Variants in TMPRSS15 observed in about 807,000 individuals in gnomAD.
TMPRSS15 encodes transmembrane serine protease 15, also known as enteropeptidase.
Under a neutral mutation model 125.3 loss-of-function variants are expected in TMPRSS15, and 128 were observed. The observed-to-expected ratio is 1.02, with a 90% CI of 0.89 to 1.18. The LOEUF is 1.18. Ranked by LOEUF, TMPRSS15 falls within the 50% of genes most tolerant of loss-of-function variation. The pLI is 0.00. For synonymous variants in TMPRSS15, 446 were observed against 423.2 expected, an observed-to-expected ratio of 1.05 and a Z score of -0.66; for missense variants, 1,283 against 1,212.7, an observed-to-expected ratio of 1.06 and a Z score of -0.86.
intron 1 of TMPRSS15, among the ~76,000 whole-genome samples, chr21:18,447,395 A>G (rs1318054047): frequency 1.5e-5 from 2 of 136,190 alleles, no homozygotes; most frequent in Non-Finnish European, 3.1e-5. Flanking sequence ...AGCCCAGATC[A>G]TGCCATTGCA....
chr21:18,294,323 G>T lies in TMPRSS15; in HGVS notation c.2433C>A (p.Gly811=). 1 of 1,614,216 alleles carries T rather than the reference G, an allele frequency of 6.2e-7. No homozygotes were observed. Among genetic ancestry groups the T allele is most frequent in the Non-Finnish European group, 8.5e-7 (1 of 1,180,050 alleles). The change falls in exon 21 of 25, where the codon GGC becomes GGA. Residue 811 remains glycine (G), a synonymous_variant. Coordinates refer to ENST00000284885, the MANE Select transcript of TMPRSS15 (RefSeq NM_002772.3). ...GCCAGTCACTGCTGACGAGAGATGCGCCGCAGAGCAGTCGGCCGCCATAAT... is the reference window on the plus strand; with the variant it reads ...GCCAGTCACTGCTGACGAGAGATGCTCCGCAGAGCAGTCGGCCGCCATAAT... ...GLYYGGRLLC[G]ASLVSSDWLV...
Position 18,365,225 on chromosome 21 carries a change from A to G in TMPRSS15, c.688T>C (p.Leu230=), listed in dbSNP as rs756323568. 2 of 1,614,138 alleles carry G rather than the reference A, an allele frequency of 1.2e-6. No individual in the cohort carries two copies. Among genetic ancestry groups the G allele is most frequent in the Non-Finnish European group, 1.7e-6 (2 of 1,179,990 alleles). The change falls in exon 7 of 25, where the codon TTG becomes CTG. Residue 230 remains leucine, a synonymous_variant. Coordinates refer to ENST00000284885, the MANE Select transcript of TMPRSS15 (RefSeq NM_002772.3). ...AAAGACCCAGATGATCCAGTTAACA[A>G]AAATCTTCCATCACAAACTGTGGCT... ...MCATVCDGRF[L]LTGSSGSFQA...
At chr21:18,362,573 A>T (rs984476381) in intron 7 of TMPRSS15, among the ~76,000 whole-genome samples, 6 of 152,184 alleles carry the variant, frequency 3.9e-5, no homozygotes, top group Non-Finnish European at 4.4e-5. Context: ...GATTAATTGG[A>T]GAACATAATC....
At chr21:18,286,372 C>CT (rs1311024790) in intron 21 of TMPRSS15, among the ~76,000 whole-genome samples, 1 of 152,200 alleles carries the variant, frequency 6.6e-6, no homozygotes, top group African/African-American at 2.4e-5. Flanking sequence ...TTCTTGACTT[C>CT]TTCCATACAG....
intron 1 of TMPRSS15, among the ~76,000 whole-genome samples, chr21:18,400,414 A>C (rs2076084189): frequency 6.6e-6 from 1 of 152,010 alleles, no homozygotes; most frequent in Non-Finnish European, 1.5e-5. Flanking sequence ...AACCCACAGT[A>C]AAGTAAAGCT....
At position 18,413,829 on chromosome 21, in the gene TMPRSS15, G is replaced by A. The variant is rs117137051; in HGVS notation, c.11-15500C>T. On this transcript the variant is annotated intron_variant, in intron 1 of 7. Transcript: ENST00000422787. ...TGCAGCCTCAAATTACTGGGCCCAA[G>A]CGATCCTCCCACCTCAGCCTCCTGA... is the stretch of plus-strand genomic sequence containing the variant. Among the ~76,000 whole-genome samples, 975 of 151,994 alleles carry A rather than the reference G, an allele frequency of 6.4e-3. 7 individuals are homozygous for A. Among genetic ancestry groups the A allele is most frequent in the Middle Eastern group, 0.014 (4 of 292 alleles).
At chr21:18,360,143 T>C (rs1189678517) in intron 7 of TMPRSS15, among the ~76,000 whole-genome samples, 1 of 152,106 alleles carries the variant, frequency 6.6e-6, no homozygotes, top group Non-Finnish European at 1.5e-5. Flanking sequence ...CTCCTTTCAT[T>C]TCCATGAGTT....
chr21:18,460,198 G>A (rs1978526258), intron 1 of TMPRSS15, among the ~76,000 whole-genome samples: 1 of 152,022 alleles, frequency 6.6e-6, no homozygotes, highest in African/African-American at 2.4e-5. Flanking sequence ...TATGGAAAAT[G>A]AGTTGTCAGA....
chr21:18,350,073 CT>C lies in TMPRSS15; in HGVS notation c.1171+2829del, dbSNP rs561689165. On this transcript the variant is annotated intron_variant, in intron 10 of 24. Transcript: ENST00000284885. Reference sequence around the variant, plus strand: ...TACTCTTGTCCAAGTGTGGTAGAAACTTTTTTTTAATTACAGTAAAGAGAAA... The same window carrying C: ...TACTCTTGTCCAAGTGTGGTAGAAACTTTTTTTAATTACAGTAAAGAGAAA... 3.3e-5 allele frequency among the ~76,000 whole-genome samples: 5 copies of C among 151,656 alleles called. No homozygotes were observed. In the East Asian group the frequency reaches 5.8e-4, roughly 18 times the overall value.
chr21:18,422,729 T>C (rs949860123), intron 1 of TMPRSS15, among the ~76,000 whole-genome samples: 4 of 152,188 alleles, frequency 2.6e-5, no homozygotes, highest in African/African-American at 7.2e-5. Context: ...ATTCAGATAG[T>C]CTGGATCTTA....
rs375184312 is a variant in TMPRSS15 at position 18,284,944 on chromosome 21, G to A, written c.2487-3723C>T. Among the ~76,000 whole-genome samples, 31 of 152,020 alleles carry A rather than the reference G, an allele frequency of 2.0e-4. No individual in the cohort carries two copies. In the East Asian group the frequency reaches 2.9e-3, roughly 14 times the overall value. ...TGAACCCGGGAGGCAGAGGTTCCAG[G>A]GAGCTGAATTTGTGCCATTGCACTC... is the stretch of plus-strand genomic sequence containing the variant. On this transcript the variant is annotated intron_variant, in intron 21 of 24. Transcript: ENST00000284885.
chr21:18,377,631 C>T (rs1228860639), intron 5 of TMPRSS15, among the ~76,000 whole-genome samples: 2 of 151,976 alleles, frequency 1.3e-5, no homozygotes, highest in Non-Finnish European at 1.5e-5. Context: ...TTAGGTAATG[C>T]GTGAATTCAC....
intron 10 of TMPRSS15, among the ~76,000 whole-genome samples, chr21:18,345,771 A>G (rs1254263376): frequency 1.4e-5 from 2 of 144,250 alleles, no homozygotes; most frequent in Admixed American, 7.1e-5. Context: ...AATCCACTGA[A>G]TATCATGAAT....
chr21:18,398,415 A>C, intron 1 of TMPRSS15, 86 bp from the exon 2 acceptor site: 2 of 1,428,404 alleles, frequency 1.4e-6, no homozygotes, highest in South Asian at 2.3e-5. Context: ...CATAGAAGTA[A>C]AGCTCTCGCC....
intron 16 of TMPRSS15, among the ~76,000 whole-genome samples, chr21:18,319,936 T>G (rs2146950647): frequency 6.6e-6 from 1 of 152,282 alleles, no homozygotes; most frequent in Non-Finnish European, 1.5e-5. Context: ...AACAAGAAAA[T>G]ATTTTTAGAA....
chr21:18,454,757 T>C (rs1217562167), intron 1 of TMPRSS15, among the ~76,000 whole-genome samples: 2 of 152,182 alleles, frequency 1.3e-5, no homozygotes, highest in Non-Finnish European at 1.5e-5. Flanking sequence ...GATTGGATAA[T>C]GCCTGTTCTC....
At chr21:18,468,799 C>T (rs1978719559) in intron 1 of TMPRSS15, among the ~76,000 whole-genome samples, 1 of 151,944 alleles carries the variant, frequency 6.6e-6, no homozygotes, top group South Asian at 2.1e-4. Context: ...TTTAATTTAC[C>T]CTCTATCATA....
intron 23 of TMPRSS15, among the ~76,000 whole-genome samples, chr21:18,278,760 T>G (rs2074651648): frequency 6.6e-6 from 1 of 152,030 alleles, no homozygotes; most frequent in Admixed American, 6.6e-5. Context: ...ATAAAAACTC[T>G]GCAAGTATAT....
chr21:18,301,399 TA>T (rs1324061821), intron 18 of TMPRSS15, among the ~76,000 whole-genome samples: 6 of 152,186 alleles, frequency 3.9e-5, no homozygotes, highest in African/African-American at 1.4e-4. Context: ...AAATATACAT[TA>T]AAAATCTTCT....
Sources: allele counts gnomAD v4.1 joint callset (sites outside exome capture counted in the v4.1 genomes callset), GRCh38; gene constraint gnomAD v4.1.1; transcripts MANE v1.5; gene names NCBI Gene and HGNC (gene_info 2026-07-23, HGNC 2026-07-21).